Variants in INPP4B observed in about 807,000 individuals in gnomAD.
INPP4B encodes the protein inositol polyphosphate 4-phosphatase type II.
A neutral mutation model predicts 122.5 loss-of-function variants in INPP4B; 55 were observed. The observed-to-expected ratio is 0.45, with a 90% CI of 0.36 to 0.56. INPP4B has a LOEUF of 0.56. Among genes scored for constraint, INPP4B ranks in the 20% least tolerant of loss-of-function variants. INPP4B has a pLI of 0.00. For synonymous variants in INPP4B, 403 were observed against 388.7 expected (o/e 1.04, Z -0.43); for missense variants, 1,000 against 1,097.7 (o/e 0.91, Z 1.26).
At chr4:142,586,537 G>A (rs1348190135) in intron 2 of INPP4B, among the ~76,000 whole-genome samples, 1 of 152,088 alleles carries the variant, frequency 6.6e-6, no homozygotes, top group Non-Finnish European at 1.5e-5. Flanking sequence ...TTGAAAACAG[G>A]TAAAGGCTCA....
At chr4:142,047,819 TC>T (rs2152375732) in intron 25 of INPP4B, among the ~76,000 whole-genome samples, 1 of 152,170 alleles carries the variant, frequency 6.6e-6, no homozygotes, top group East Asian at 1.9e-4. Flanking sequence ...TTCCCAGCAA[TC>T]CCCATGGTAT....
intron 1 of INPP4B, among the ~76,000 whole-genome samples, chr4:142,737,172 G>A (rs1305664067): frequency 6.6e-6 from 1 of 152,134 alleles, no homozygotes. Context: ...TAAGCCAAAA[G>A]AACAAAGCTG....
chr4:142,758,153 C>A (rs1016207324), intron 1 of INPP4B, among the ~76,000 whole-genome samples: 4 of 151,968 alleles, frequency 2.6e-5, no homozygotes, highest in Admixed American at 2.6e-4. Context: ...CCGAAGGAAG[C>A]CAACCATAAA....
At chr4:142,630,960 G>GACC (rs1437471135) in intron 2 of INPP4B, among the ~76,000 whole-genome samples, 1 of 152,120 alleles carries the variant, frequency 6.6e-6, no homozygotes, top group Non-Finnish European at 1.5e-5. Flanking sequence ...TTTCTAGTGT[G>GACC]ACCAGGTGCC....
chr4:142,562,323 A>G (rs981444417), intron 2 of INPP4B, among the ~76,000 whole-genome samples: 42 of 152,258 alleles, frequency 2.8e-4, no homozygotes, highest in Non-Finnish European at 5.6e-4. Context: ...AGTACCTTCA[A>G]TAAAAAGATG....
intron 15 of INPP4B, among the ~76,000 whole-genome samples, chr4:142,175,053 C>T (rs1398780601): frequency 6.6e-6 from 1 of 152,076 alleles, no homozygotes; most frequent in Non-Finnish European, 1.5e-5. Flanking sequence ...AACAGCAAAA[C>T]AGTTGCCAGA....
At chr4:142,305,584 T>TA (rs1476702097) in intron 8 of INPP4B, 47 bp from the exon 9 acceptor site, 1 of 1,574,916 alleles carries the variant, frequency 6.3e-7, no homozygotes, top group South Asian at 1.2e-5. Context: ...GGTTCTTTAA[T>TA]ATTTTTGCTG....
intron 1 of INPP4B, among the ~76,000 whole-genome samples, chr4:142,773,563 T>A (rs1239876046): frequency 6.6e-6 from 1 of 152,206 alleles, no homozygotes; most frequent in Non-Finnish European, 1.5e-5. Flanking sequence ...AGCTCAATTA[T>A]TTTTACTGGA....
At chr4:142,345,883 C>T (rs1278411971) in intron 7 of INPP4B, among the ~76,000 whole-genome samples, 1 of 151,896 alleles carries the variant, frequency 6.6e-6, no homozygotes, top group East Asian at 1.9e-4. Context: ...GTACTCTTAC[C>T]CCAGTAAATG....
chr4:142,155,987 A>C (rs1256227722), intron 17 of INPP4B, among the ~76,000 whole-genome samples: 2 of 147,674 alleles, frequency 1.4e-5, no homozygotes, highest in Non-Finnish European at 3.0e-5. Context: ...AACACATTTA[A>C]CATAATATGA....
chr4:142,423,345 T>A (rs1472430477), intron 5 of INPP4B, among the ~76,000 whole-genome samples: 1 of 152,122 alleles, frequency 6.6e-6, no homozygotes, highest in Non-Finnish European at 1.5e-5. Flanking sequence ...TTGTGCAGAT[T>A]GTCAGTTGGG....
chr4:142,567,359 C>A (rs1731838433), intron 2 of INPP4B, among the ~76,000 whole-genome samples: 1 of 152,100 alleles, frequency 6.6e-6, no homozygotes, highest in Non-Finnish European at 1.5e-5. Flanking sequence ...AAAGGAGGGG[C>A]AGGGCAGATG....
At chr4:142,155,853 A>G (rs1184845064) in intron 17 of INPP4B, among the ~76,000 whole-genome samples, 1 of 151,684 alleles carries the variant, frequency 6.6e-6, no homozygotes, top group Non-Finnish European at 1.5e-5. Flanking sequence ...TAGGTTATCT[A>G]TGGAGTCTAT....
chr4:142,250,263 T>C (rs542366539), intron 11 of INPP4B, among the ~76,000 whole-genome samples: 1 of 152,322 alleles, frequency 6.6e-6, no homozygotes, highest in South Asian at 2.1e-4. Context: ...TAGGGGAAAG[T>C]CTTTTTCTTC....
At chr4:142,077,537 A>C (rs565819119) in intron 25 of INPP4B, among the ~76,000 whole-genome samples, 3 of 152,108 alleles carry the variant, frequency 2.0e-5, no homozygotes, top group Non-Finnish European at 4.4e-5. Context: ...CAATCCTAAT[A>C]GTCTATTAAT....
intron 3 of INPP4B, among the ~76,000 whole-genome samples, chr4:142,461,176 A>C (rs1261988010): frequency 6.6e-6 from 1 of 152,152 alleles, no homozygotes; most frequent in Admixed American, 6.5e-5. Context: ...TGAGTGACAG[A>C]GTGAGATTCA....
At chr4:142,034,695 A>G (rs995199261) in intron 25 of INPP4B, among the ~76,000 whole-genome samples, 1 of 152,104 alleles carries the variant, frequency 6.6e-6, no homozygotes, top group African/African-American at 2.4e-5. Context: ...ATATATGGTC[A>G]GGAAACCATA....
chr4:142,798,846 T>TTG (rs70949190), intron 1 of INPP4B, among the ~76,000 whole-genome samples: 13,453 of 149,088 alleles, frequency 0.09, 758 homozygotes, highest in African/African-American at 0.17. Context: ...GTGTATATGT[T>TTG]TGTGTGTGTG....
chr4:142,041,132 C>A (rs1190438735), intron 25 of INPP4B, among the ~76,000 whole-genome samples: 2 of 151,688 alleles, frequency 1.3e-5, no homozygotes, highest in African/African-American at 4.8e-5. Flanking sequence ...TAGCAGAAAT[C>A]AATAATAAAA....
Sources: gnomAD v4.1 joint callset for allele counts (sites outside exome capture counted in the v4.1 genomes callset) on GRCh38, gnomAD v4.1.1 for gene constraint, MANE v1.5 for transcripts, NCBI Gene and HGNC (gene_info 2026-07-23, HGNC 2026-07-21) for gene names.